The following EML6 variants were observed in gnomAD, a reference collection of about 807,000 sequenced individuals.
EML6 encodes echinoderm microtubule-associated protein-like 6.
EML6 carries 154 observed loss-of-function variants against 240.1 expected under a neutral mutation model. That is an observed-to-expected ratio of 0.64 (90% confidence interval 0.56 to 0.73). The LOEUF is 0.73. Ranked by LOEUF, EML6 falls within the 30% of genes least tolerant of loss-of-function variation. EML6 has a pLI of 0.00. For synonymous variants in EML6, 1,148 were observed against 899.0 expected (o/e 1.28, Z -4.95); for missense variants, 2,964 against 2,474.6 (o/e 1.20, Z -4.20).
chr2:54,940,571 C>T (rs868715643), intron 28 of EML6, among the ~76,000 whole-genome samples: 9 of 152,160 alleles, frequency 5.9e-5, no homozygotes, highest in African/African-American at 2.2e-4. Flanking sequence ...TAATACACAG[C>T]AAACAAATAC....
At chr2:54,965,754 A>G (rs1240783167) in intron 38 of EML6, among the ~76,000 whole-genome samples, 3 of 152,212 alleles carry the variant, frequency 2.0e-5, no homozygotes, top group East Asian at 1.9e-4. Context: ...ACGGTCTGCA[A>G]AATATCTCAA....
chr2:54,932,496 G>C (rs1311974186), intron 28 of EML6, among the ~76,000 whole-genome samples: 1 of 152,086 alleles, frequency 6.6e-6, no homozygotes, highest in African/African-American at 2.4e-5. Flanking sequence ...CCTCTCAAGT[G>C]CCACGCCCCA....
chr2:54,779,473 G>A (rs1028482298), intron 2 of EML6, among the ~76,000 whole-genome samples: 5 of 151,070 alleles, frequency 3.3e-5, no homozygotes, highest in African/African-American at 4.9e-5. Flanking sequence ...TTGAACTCGG[G>A]AGGTGGAGGT....
At chr2:54,915,061 AG>A (rs1455614428) in intron 25 of EML6, among the ~76,000 whole-genome samples, 2 of 152,198 alleles carry the variant, frequency 1.3e-5, no homozygotes, top group Non-Finnish European at 2.9e-5. Flanking sequence ...GTGCTAAGGA[AG>A]GGATCCCTTG....
At chr2:54,768,842 G>A (rs748891721) in intron 2 of EML6, among the ~76,000 whole-genome samples, 1 of 151,734 alleles carries the variant, frequency 6.6e-6, no homozygotes, top group Non-Finnish European at 1.5e-5. Flanking sequence ...AAAATAAATG[G>A]GATTTTGGCT....
Position 54,871,674 on chromosome 2 carries a change from C to T in EML6, c.2344+69C>T, listed in dbSNP as rs140367431. Reference sequence around the variant, plus strand: ...AGAGAGACACAGAGAGAGTATGCCCCGCGCATGCGCGCACGCGTGTGTGTG... The same window carrying T: ...AGAGAGACACAGAGAGAGTATGCCCTGCGCATGCGCGCACGCGTGTGTGTG... On this transcript the variant is annotated intron_variant, in intron 16 of 41. Coordinates refer to ENST00000356458, the MANE Select transcript of EML6 (RefSeq NM_001039753.4). 9.7e-5 allele frequency: 104 copies of T among 1,076,896 alleles called. No individual in the cohort carries two copies. In the East Asian group the frequency reaches 1.6e-3, roughly 16 times the overall value. 66.7% of individuals were successfully genotyped at this position (1,076,896 alleles called of 1,614,324 possible). A position where few individuals can be genotyped will look rare whatever the true frequency, so the allele number is the denominator to read the frequency against.
Position 54,725,143 on chromosome 2 carries a change from C to G in EML6, c.82C>G (p.Leu28Val). Residue 28 changes from leucine to valine, a missense_variant, in exon 2 of 42, where the codon CTG (leucine) becomes GTG (valine). Transcript: ENST00000356458. The surrounding 1 kb of genome is among the most constrained non-coding windows in gnomAD (Gnocchi z 4.3). The part of the protein sequence containing the change: ...GYRGHQCRNN[L>V]YYTAGKEVVY... ...CCGGGGTCACCAGTGCCGCAACAAC[C>G]TGTACTACACGGCAGGCAAGGAGGT... is the stretch of plus-strand genomic sequence containing the variant. 6.5e-7 allele frequency: 1 copy of G among 1,538,406 alleles called. No individual in the cohort carries two copies. Among genetic ancestry groups the G allele is most frequent in the Non-Finnish European group, 8.8e-7 (1 of 1,140,700 alleles).
chr2:54,739,681 A>G (rs1270528061), intron 2 of EML6, among the ~76,000 whole-genome samples: 1 of 152,150 alleles, frequency 6.6e-6, no homozygotes, highest in Non-Finnish European at 1.5e-5. Flanking sequence ...AGTTACCCAA[A>G]GTGTGTGAGA....
In EML6 at chr2:54,968,204, C is replaced by T; in HGVS notation, c.5674C>T (p.His1892Tyr). Reference protein sequence around the residue: ...KADVNCACVTHAGLNIVTGDD... With the variant: ...KADVNCACVTYAGLNIVTGDD... ...TGATGTCAACTGCGCATGTGTGACC[C>T]ACGCTGGCCTGAACATTGTCACAGG... The change falls in exon 40 of 42, where the codon CAC becomes TAC. Residue 1892 changes from histidine to tyrosine, a missense_variant. Coordinates refer to ENST00000356458, the MANE Select transcript of EML6 (RefSeq NM_001039753.4). 1 of 1,551,704 alleles carries T rather than the reference C, an allele frequency of 6.4e-7. No homozygotes were observed. Among genetic ancestry groups the T allele is most frequent in the Non-Finnish European group, 8.7e-7 (1 of 1,146,978 alleles).
intron 30 of EML6, 70 bp from the exon 31 acceptor site, chr2:54,952,524 G>C: frequency 1.1e-6 from 1 of 897,996 alleles, no homozygotes; most frequent in South Asian, 1.6e-5. Context: ...GGCTCCACGC[G>C]ATGTTTTGAA....
At chr2:54,778,222 A>C (rs1168206447) in intron 2 of EML6, among the ~76,000 whole-genome samples, 1 of 152,240 alleles carries the variant, frequency 6.6e-6, no homozygotes, top group Non-Finnish European at 1.5e-5. Flanking sequence ...AAAGAAAGTG[A>C]GATAAAATCA....
chr2:54,957,646 T>A, intron 32 of EML6, 144 bp from the exon 33 acceptor site: 2 of 704,914 alleles, frequency 2.8e-6, no homozygotes, highest in Admixed American at 5.0e-5. Context: ...ACCTGGGGAA[T>A]AGTGTCTGAA....
chr2:54,969,741 C>T (rs1304973903), intron 41 of EML6, among the ~76,000 whole-genome samples: 1 of 152,208 alleles, frequency 6.6e-6, no homozygotes, highest in Non-Finnish European at 1.5e-5. Context: ...CAAAAGGGCT[C>T]TCTGACTCAA....
intron 38 of EML6, among the ~76,000 whole-genome samples, chr2:54,965,804 A>C (rs1443767223): frequency 6.6e-6 from 1 of 152,236 alleles, no homozygotes; most frequent in East Asian, 1.9e-4. Flanking sequence ...AGAATCTTGT[A>C]GCCTCCAGCT....
At chr2:54,753,622 C>T (rs1684269446) in intron 2 of EML6, among the ~76,000 whole-genome samples, 1 of 151,374 alleles carries the variant, frequency 6.6e-6, no homozygotes, top group South Asian at 2.1e-4. Flanking sequence ...AACAGAGTCT[C>T]CCAGTCTCCC....
intron 7 of EML6, among the ~76,000 whole-genome samples, chr2:54,836,356 T>C (rs760888117): frequency 6.6e-6 from 1 of 152,224 alleles, no homozygotes; most frequent in Non-Finnish European, 1.5e-5. Flanking sequence ...AGGCTTTGTG[T>C]ATCTTTCACA....
chr2:54,794,074 A>T (rs1457930101), intron 2 of EML6, among the ~76,000 whole-genome samples: 3 of 152,184 alleles, frequency 2.0e-5, no homozygotes, highest in African/African-American at 7.2e-5. Context: ...TGTACTAAGT[A>T]TATTCCATAT....
intron 35 of EML6, among the ~76,000 whole-genome samples, chr2:54,960,590 A>G (rs1433464308): frequency 1.3e-5 from 2 of 152,198 alleles, no homozygotes; most frequent in African/African-American, 4.8e-5. Flanking sequence ...TGAGGGTCAC[A>G]TATTTATACA....
At chr2:54,882,153 A>G (rs1440534879) in intron 17 of EML6, 1 of 152,172 alleles carries the variant, frequency 6.6e-6, no homozygotes, top group African/African-American at 2.4e-5. Context: ...GATACTCAAG[A>G]TTTTATTTTC....
Sources: gnomAD v4.1 joint callset for allele counts (sites outside exome capture counted in the v4.1 genomes callset) on GRCh38, gnomAD v4.1.1 for gene constraint, Gnocchi (gnomAD v3.1) non-coding constraint, MANE v1.5 for transcripts, NCBI Gene and HGNC (gene_info 2026-07-23, HGNC 2026-07-21) for gene names.